The following ATRNL1 variants were observed in gnomAD, a reference collection of about 807,000 sequenced individuals.
The protein encoded by ATRNL1 is attractin-like protein 1.
A neutral mutation model predicts 182.7 loss-of-function variants in ATRNL1; 95 were observed. The ratio of observed to expected loss-of-function variants is 0.52; its 90% CI spans 0.44 to 0.62. The LOEUF is 0.62. ATRNL1 is among the 20% of genes least tolerant of loss of function. ATRNL1 has a pLI of 0.00. For missense variants in ATRNL1, 1,471 were observed against 1,679.5 expected, an observed-to-expected ratio of 0.88 and a Z score of 2.17; for synonymous variants, 576 against 568.3, an observed-to-expected ratio of 1.01 and a Z score of -0.19.
At chr10:115,242,618 C>T in intron 10 of ATRNL1, among the ~76,000 whole-genome samples, 1 of 151,910 alleles carries the variant, frequency 6.6e-6, no homozygotes, top group East Asian at 1.9e-4. Flanking sequence ...TACTTTTTCT[C>T]TTAAACCTCA....
At chr10:115,345,452 C>G (rs1855934320) in intron 19 of ATRNL1, among the ~76,000 whole-genome samples, 1 of 152,160 alleles carries the variant, frequency 6.6e-6, no homozygotes, top group African/African-American at 2.4e-5. Context: ...TACTTTCCTC[C>G]CCGTATACTG....
chr10:115,446,449 T>G (rs1433292156), intron 21 of ATRNL1, among the ~76,000 whole-genome samples: 37 of 152,068 alleles, frequency 2.4e-4, no homozygotes, highest in South Asian at 2.1e-4. Context: ...CATCTTTAAT[T>G]TTGTGGAGTC....
At chr10:115,761,890 C>T (rs995058985) in intron 27 of ATRNL1, among the ~76,000 whole-genome samples, 1 of 152,084 alleles carries the variant, frequency 6.6e-6, no homozygotes, top group Non-Finnish European at 1.5e-5. Context: ...AAAACAAAGT[C>T]GGGGCTCAAC....
intron 27 of ATRNL1, among the ~76,000 whole-genome samples, chr10:115,794,387 C>T (rs909544398): frequency 2.6e-5 from 4 of 152,054 alleles, no homozygotes; most frequent in African/African-American, 9.7e-5. Context: ...CACTGATGTA[C>T]GACTACCACC....
intron 13 of ATRNL1, 102 bp from the exon 14 acceptor site, chr10:115,281,253 A>T: frequency 3.3e-6 from 3 of 917,186 alleles, no homozygotes; most frequent in Non-Finnish European, 4.7e-6. Context: ...TGGAGTTAGA[A>T]ATGTTTATTT....
rs958223065 is a variant in ATRNL1 at position 115,816,133 on chromosome 10, G to A, written c.3904-31744G>A. ...GTGTTATCACTGAAATTCAGCAAGTGCAGATGTTAATCACTGCACATCTAG... is the reference window on the plus strand; with the variant it reads ...GTGTTATCACTGAAATTCAGCAAGTACAGATGTTAATCACTGCACATCTAG... On this transcript the variant is annotated intron_variant, in intron 27 of 28. Coordinates refer to ENST00000355044, the MANE Select transcript of ATRNL1 (RefSeq NM_207303.4). Among the ~76,000 whole-genome samples, 3 of 152,258 alleles carry A rather than the reference G, an allele frequency of 2.0e-5. No homozygotes were observed. In the South Asian group the frequency reaches 6.2e-4, roughly 32 times the overall value.
chr10:115,223,701 C>A (rs1055899704), intron 9 of ATRNL1, among the ~76,000 whole-genome samples: 7 of 151,518 alleles, frequency 4.6e-5, no homozygotes, highest in African/African-American at 1.7e-4. Flanking sequence ...AAGGAACTTT[C>A]CCGGAATTTA....
intron 24 of ATRNL1, among the ~76,000 whole-genome samples, chr10:115,511,168 A>T (rs1452665612): frequency 6.6e-6 from 1 of 151,960 alleles, no homozygotes; most frequent in Non-Finnish European, 1.5e-5. Flanking sequence ...CCATATTTTT[A>T]AAAATATTAC....
intron 27 of ATRNL1, among the ~76,000 whole-genome samples, chr10:115,729,125 A>T (rs192684490): frequency 6.6e-6 from 1 of 152,328 alleles, no homozygotes; most frequent in Admixed American, 6.5e-5. Flanking sequence ...ACACAGACAT[A>T]TGTCACCATA....
chr10:115,321,671 CTTTT>C (rs528619167), intron 18 of ATRNL1, among the ~76,000 whole-genome samples: 2 of 125,824 alleles, frequency 1.6e-5, no homozygotes, highest in African/African-American at 6.0e-5. Flanking sequence ...AAGGTGAAAG[CTTTT>C]TTTTTTTTTT....
chr10:115,889,774 A>G (rs1185126375), intron 28 of ATRNL1, among the ~76,000 whole-genome samples: 4 of 152,216 alleles, frequency 2.6e-5, no homozygotes, highest in African/African-American at 9.7e-5. Context: ...CAACCCTGAG[A>G]ATGAGCGCAT....
chr10:115,121,919 T>TA (rs1157503064), intron 3 of ATRNL1, 107 bp downstream of exon 3: 2 of 511,010 alleles, frequency 3.9e-6, no homozygotes, highest in Non-Finnish European at 6.9e-6. Flanking sequence ...TATTGATAGT[T>TA]ACATTTCACA....
chr10:115,160,452 A>T (rs1846729975), intron 6 of ATRNL1, among the ~76,000 whole-genome samples: 1 of 151,838 alleles, frequency 6.6e-6, no homozygotes. Context: ...ATAAATTCTG[A>T]GTAAGAAAAT....
Position 115,784,641 on chromosome 10 carries a change from A to T in ATRNL1, c.3903+57286A>T, listed in dbSNP as rs186128490. Reference sequence around the variant, plus strand: ...TTTTGGAGGCTCTGAGGGAGAAACCATCCCATGCCTCTCTCTTAGCTGTTG... The same window carrying T: ...TTTTGGAGGCTCTGAGGGAGAAACCTTCCCATGCCTCTCTCTTAGCTGTTG... On this transcript the variant is annotated intron_variant, in intron 27 of 28. Coordinates refer to ENST00000355044, the MANE Select transcript of ATRNL1 (RefSeq NM_207303.4). Among the ~76,000 whole-genome samples, 5 of 152,304 alleles carry T rather than the reference A, an allele frequency of 3.3e-5. No homozygotes were observed. In the South Asian group the frequency reaches 1.0e-3, roughly 32 times the overall value.
intron 19 of ATRNL1, among the ~76,000 whole-genome samples, chr10:115,343,231 TCTTC>T (rs1855829837): frequency 6.6e-6 from 1 of 152,142 alleles, no homozygotes; most frequent in Non-Finnish European, 1.5e-5. Flanking sequence ...CTGTTTCACT[TCTTC>T]CTTTTTAAGA....
At chr10:115,447,057 T>G (rs1554966815) in intron 21 of ATRNL1, among the ~76,000 whole-genome samples, 1 of 151,928 alleles carries the variant, frequency 6.6e-6, no homozygotes, top group Admixed American at 6.6e-5. Context: ...TATTTAGTAT[T>G]TTTTTCTATT....
At chr10:115,336,251 C>A (rs1158261681) in intron 19 of ATRNL1, among the ~76,000 whole-genome samples, 2 of 152,140 alleles carry the variant, frequency 1.3e-5, no homozygotes, top group African/African-American at 2.4e-5. Flanking sequence ...TTCATATGGA[C>A]CAGGAAGATC....
intron 24 of ATRNL1, among the ~76,000 whole-genome samples, chr10:115,475,851 A>T (rs1475505121): frequency 6.6e-6 from 1 of 151,278 alleles, no homozygotes; most frequent in African/African-American, 2.4e-5. Flanking sequence ...ATTTCCCATA[A>T]TATTTAAGAT....
intron 19 of ATRNL1, among the ~76,000 whole-genome samples, chr10:115,386,754 G>T (rs1344757640): frequency 8.0e-5 from 12 of 150,670 alleles, no homozygotes; most frequent in Non-Finnish European, 1.5e-4. Flanking sequence ...ATGCTGGTGT[G>T]CTGTACCCAT....
Sources: allele counts gnomAD v4.1 joint callset (sites outside exome capture counted in the v4.1 genomes callset), GRCh38; gene constraint gnomAD v4.1.1; transcripts MANE v1.5; gene names NCBI Gene and HGNC (gene_info 2026-07-23, HGNC 2026-07-21).